PKD1L1: variants seen among roughly 807,000 people sequenced by gnomAD.
PKD1L1 encodes polycystin 1 like 1, transient receptor potential channel interacting.
In PKD1L1, 236 loss-of-function variants were observed where a neutral mutation model predicts 323.4. The observed-to-expected ratio is 0.73, with a 90% CI of 0.66 to 0.81. PKD1L1 has a LOEUF of 0.81. PKD1L1 is among the 40% of genes least tolerant of loss of function. The probability of loss-of-function intolerance (pLI) is 0.00; values close to 1 mark genes in which losing one functional copy is unlikely to be tolerated. For synonymous variants in PKD1L1, 1,344 were observed against 1,335.0 expected, an observed-to-expected ratio of 1.01 and a Z score of -0.15; for missense variants, 3,320 against 3,508.0, an observed-to-expected ratio of 0.95 and a Z score of 1.35.
At chr7:47,778,913 A>T (rs1048483471) in intron 56 of PKD1L1, among the ~76,000 whole-genome samples, 8 of 152,234 alleles carry the variant, frequency 5.3e-5, no homozygotes, top group Admixed American at 2.6e-4. Flanking sequence ...TTGTGCCCAT[A>T]GAACAGACAC....
At chr7:47,867,494 G>C (rs1786192392) in intron 24 of PKD1L1, among the ~76,000 whole-genome samples, 2 of 152,172 alleles carry the variant, frequency 1.3e-5, no homozygotes, top group African/African-American at 4.8e-5. Context: ...AATACCCAGA[G>C]TGGCTGCAAT....
chr7:47,813,374 A>T, intron 48 of PKD1L1, 81 bp from the exon 49 acceptor site: 1 of 1,420,910 alleles, frequency 7.0e-7, no homozygotes, highest in Non-Finnish European at 9.7e-7. Flanking sequence ...AGGCCTGGCC[A>T]CATGTGAACA....
At chr7:47,881,611 C>T (rs1786554908) in intron 20 of PKD1L1, among the ~76,000 whole-genome samples, 1 of 152,204 alleles carries the variant, frequency 6.6e-6, no homozygotes, top group Admixed American at 6.5e-5. Flanking sequence ...CTACAAAAGG[C>T]TGTCACAGAA....
chr7:47,866,479 T>C lies in PKD1L1; in HGVS notation c.4032A>G (p.Gln1344=), dbSNP rs751497525. 6 of 1,613,960 alleles carry C rather than the reference T, an allele frequency of 3.7e-6. No homozygotes were observed. The East Asian group carries it at 1.1e-4, about 30-fold the overall frequency. Residue 1344 remains glutamine, a synonymous_variant, in exon 25 of 57, where the codon CAA becomes CAG. Transcript: ENST00000289672. Reference sequence around the variant, plus strand: ...TTAATGCATCCTGTATTCGTGACCATTGGTTGCAGGAGGCAGTTTTGTCCT... The same window carrying C: ...TTAATGCATCCTGTATTCGTGACCACTGGTTGCAGGAGGCAGTTTTGTCCT... ...SKEDKTASCN[Q]WSRIQDALIS...
intron 7 of PKD1L1, among the ~76,000 whole-genome samples, chr7:47,927,367 C>T (rs1015893042): frequency 6.6e-6 from 1 of 152,124 alleles, no homozygotes; most frequent in Non-Finnish European, 1.5e-5. Context: ...CAACCTCCAC[C>T]TCCCGGGTTC....
intron 7 of PKD1L1, among the ~76,000 whole-genome samples, chr7:47,916,626 G>A (rs1387599390): frequency 5.9e-5 from 9 of 152,160 alleles, no homozygotes; most frequent in Non-Finnish European, 1.0e-4. Flanking sequence ...TTGGCTGAGA[G>A]ACTCACAAAT....
At chr7:47,895,813 T>C (rs1484133231) in intron 14 of PKD1L1, among the ~76,000 whole-genome samples, 2 of 152,238 alleles carry the variant, frequency 1.3e-5, no homozygotes, top group African/African-American at 4.8e-5. Flanking sequence ...ATTAAAGTCA[T>C]AGTTAAGGCT....
intron 31 of PKD1L1, among the ~76,000 whole-genome samples, chr7:47,849,322 T>C (rs1436819509): frequency 1.3e-5 from 2 of 152,000 alleles, no homozygotes; most frequent in Admixed American, 1.3e-4. Flanking sequence ...CAAAAGCAAA[T>C]GCAATGAAAA....
At chr7:47,894,201 C>A in intron 14 of PKD1L1, 142 bp from the exon 15 acceptor site, 1 of 658,822 alleles carries the variant, frequency 1.5e-6, no homozygotes, top group Non-Finnish European at 2.5e-6. Context: ...TCTTGGTAGT[C>A]AAAATAACCA....
At chr7:47,958,947 G>C in the PKD1L1 span, among the ~76,000 whole-genome samples, 3 of 152,176 alleles carry the variant, frequency 2.0e-5, no homozygotes, top group Non-Finnish European at 4.4e-5. Context: ...TCAGCCTGCC[G>C]AGTGCCTGCG....
the PKD1L1 span, among the ~76,000 whole-genome samples, chr7:47,955,932 TA>T: frequency 6.6e-6 from 1 of 152,326 alleles, no homozygotes; most frequent in East Asian, 1.9e-4. Flanking sequence ...GAAGAAGCTC[TA>T]AAAATCCAAA....
chr7:47,942,454 C>T (rs942284770), intron 2 of PKD1L1, among the ~76,000 whole-genome samples: 1 of 151,982 alleles, frequency 6.6e-6, no homozygotes, highest in African/African-American at 2.4e-5. Context: ...CCCGCCCCCC[C>T]ACTCCATTTA....
intron 6 of PKD1L1, among the ~76,000 whole-genome samples, chr7:47,930,852 C>G (rs1280589132): frequency 6.6e-6 from 1 of 152,084 alleles, no homozygotes; most frequent in Non-Finnish European, 1.5e-5. Flanking sequence ...AAAATATACA[C>G]AGTCAGACAA....
At chr7:47,938,658 T>TC (rs1787918036) in intron 3 of PKD1L1, among the ~76,000 whole-genome samples, 1 of 151,888 alleles carries the variant, frequency 6.6e-6, no homozygotes, top group Non-Finnish European at 1.5e-5. Flanking sequence ...TGGAAATGGG[T>TC]CTCCCAGTCA....
intron 21 of PKD1L1, among the ~76,000 whole-genome samples, chr7:47,880,167 TAGAGAGAG>T (rs56742103): frequency 0.36 from 47,329 of 132,068 alleles, 9,218 homozygotes; most frequent in African/African-American, 0.55. Flanking sequence ...AGGGTTTAAA[TAGAGAGAG>T]AGAGAGAGAG....
intron 7 of PKD1L1, among the ~76,000 whole-genome samples, chr7:47,918,316 C>T (rs1428398237): frequency 6.6e-6 from 1 of 152,022 alleles, no homozygotes; most frequent in Admixed American, 6.6e-5. Flanking sequence ...ATATCACAAT[C>T]CTAAACATAT....
intron 20 of PKD1L1, among the ~76,000 whole-genome samples, chr7:47,881,323 C>G (rs899969290): frequency 6.6e-6 from 1 of 152,048 alleles, no homozygotes; most frequent in African/African-American, 2.4e-5. Flanking sequence ...GATTGATGAT[C>G]TAAACATGGA....
chr7:47,942,298 C>T (rs559995718), intron 2 of PKD1L1, among the ~76,000 whole-genome samples: 2 of 152,142 alleles, frequency 1.3e-5, no homozygotes, highest in Non-Finnish European at 2.9e-5. Context: ...ATGCTCTGTA[C>T]GTAAGCAGCA....
At chr7:47,955,259 T>A in the PKD1L1 span, among the ~76,000 whole-genome samples, 15 of 152,238 alleles carry the variant, frequency 9.9e-5, no homozygotes, top group African/African-American at 3.4e-4. Flanking sequence ...TTTCTATTTA[T>A]GAAAATAAGG....
Sources: gnomAD v4.1 joint callset for allele counts (sites outside exome capture counted in the v4.1 genomes callset) on GRCh38, gnomAD v4.1.1 for gene constraint, MANE v1.5 for transcripts, NCBI Gene and HGNC (gene_info 2026-07-23, HGNC 2026-07-21) for gene names.